Variants in NFX1 observed in about 807,000 individuals in gnomAD.
The protein encoded by NFX1 is transcriptional repressor NF-X1.
NFX1 carries 69 observed loss-of-function variants against 137.2 expected under a neutral mutation model. The observed-to-expected ratio is 0.50, with a 90% CI of 0.41 to 0.61. The LOEUF (loss-of-function observed/expected upper bound fraction) is 0.61. Ranked by LOEUF, NFX1 falls within the 20% of genes least tolerant of loss-of-function variation. The probability of loss-of-function intolerance (pLI) is 0.00; values close to 1 mark genes in which losing one functional copy is unlikely to be tolerated. For synonymous variants in NFX1, 495 were observed against 474.1 expected (o/e 1.04, Z -0.57); for missense variants, 1,167 against 1,391.0 (o/e 0.84, Z 2.56).
chr9:33,368,628 G>A (rs1824237785), intron 23 of NFX1, among the ~76,000 whole-genome samples: 1 of 152,168 alleles, frequency 6.6e-6, no homozygotes, highest in South Asian at 2.1e-4. Context: ...GTGTAACCAA[G>A]GCAGTGTGGC....
intron 9 of NFX1, among the ~76,000 whole-genome samples, chr9:33,322,640 G>C (rs940845471): frequency 2.6e-5 from 4 of 152,172 alleles, no homozygotes; most frequent in Non-Finnish European, 5.9e-5. Flanking sequence ...TCGTAGGGCA[G>C]AGGTTCCACT....
intron 4 of NFX1, among the ~76,000 whole-genome samples, chr9:33,304,808 GAAGT>G (rs996655788): frequency 1.3e-5 from 2 of 152,204 alleles, no homozygotes; most frequent in African/African-American, 4.8e-5. Flanking sequence ...CATGAAACTG[GAAGT>G]AAGAGATCAG....
intron 12 of NFX1, among the ~76,000 whole-genome samples, chr9:33,340,296 A>G (rs1235925695): frequency 6.6e-6 from 1 of 152,218 alleles, no homozygotes; most frequent in Non-Finnish European, 1.5e-5. Context: ...CACCACATGG[A>G]AGCTGCCAAG....
chr9:33,339,175 T>C (rs1823125459), intron 12 of NFX1, among the ~76,000 whole-genome samples: 1 of 152,162 alleles, frequency 6.6e-6, no homozygotes, highest in South Asian at 2.1e-4. Context: ...TGTGTATGTA[T>C]GTATTAGTCC....
At position 33,294,106 on chromosome 9, in the gene NFX1, A is replaced by G. The variant is rs1029278323; in HGVS notation, c.26-314A>G. 2.0e-5 allele frequency among the ~76,000 whole-genome samples: 3 copies of G among 152,238 alleles called. No individual in the cohort carries two copies. The East Asian group carries it at 5.8e-4, about 29-fold the overall frequency. ...TGATGATTGATACCCCTGAACTGTT[A>G]GCTGGCCTTAAATTTTTGTAATAAA... On this transcript the variant is annotated intron_variant, in intron 1 of 23. Coordinates refer to ENST00000379540, the MANE Select transcript of NFX1 (RefSeq NM_002504.6).
chr9:33,322,202 A>G (rs1302546542), intron 9 of NFX1, among the ~76,000 whole-genome samples: 10 of 126,074 alleles, frequency 7.9e-5, no homozygotes, highest in East Asian at 5.1e-4. Context: ...CTCCATCTCG[A>G]AAAAAAAAAA....
At chr9:33,354,268 A>G in intron 18 of NFX1, 81 bp downstream of exon 18, 4 of 1,138,308 alleles carry the variant, frequency 3.5e-6, no homozygotes, top group East Asian at 2.5e-5. Context: ...ATTTATCTCA[A>G]TCCTTCATAG....
intron 2 of NFX1, 21 bp from the exon 3 acceptor site, chr9:33,301,242 G>T (rs1291595260): frequency 3.1e-6 from 5 of 1,603,966 alleles, no homozygotes; most frequent in Admixed American, 3.4e-5. Context: ...AATCTTTTTT[G>T]TTATTTTGTT....
rs1823763742 is a variant in NFX1, at chr9:33,354,968, A to G, written c.2873+76A>G. 11 of 1,415,962 alleles carry G rather than the reference A, an allele frequency of 7.8e-6. No individual in the cohort carries two copies. In the South Asian group the frequency reaches 1.3e-4, roughly 17 times the overall value. 87.7% of individuals were successfully genotyped at this position (1,415,962 alleles called of 1,614,324 possible). On this transcript the variant is annotated intron_variant, in intron 19 of 23. Coordinates refer to ENST00000379540, the MANE Select transcript of NFX1 (RefSeq NM_002504.6). ...AATTAATGGGAGGGAGCAACCCTTC[A>G]AACGTCATTCACTCAGCACTGCGCT...
At chr9:33,335,227 C>CTTTTTTT (rs57459026) in intron 11 of NFX1, among the ~76,000 whole-genome samples, 115 of 130,428 alleles carry the variant, frequency 8.8e-4, no homozygotes, top group African/African-American at 2.8e-3. Context: ...CTTTCTTTTT[C>CTTTTTTT]TTTTTTTTTT....
intron 12 of NFX1, among the ~76,000 whole-genome samples, chr9:33,342,162 TAAAA>T (rs1244368546): frequency 7.1e-6 from 1 of 140,480 alleles, no homozygotes; most frequent in Non-Finnish European, 1.5e-5. Flanking sequence ...GATGTAAAAA[TAAAA>T]TATATTTTTT....
intron 20 of NFX1, 31 bp from the exon 21 acceptor site, chr9:33,364,677 G>T: frequency 6.2e-7 from 1 of 1,604,484 alleles, no homozygotes; most frequent in South Asian, 1.1e-5. Context: ...GGCAGGGACA[G>T]ACAAAATTAA....
intron 11 of NFX1, 32 bp from the exon 12 acceptor site, chr9:33,338,478 G>T (rs539122106): frequency 3.6e-5 from 51 of 1,402,182 alleles, no homozygotes; most frequent in Middle Eastern, 3.7e-4. Context: ...CCTTTGTCTG[G>T]TTTTTTTTTT....
rs1480975873 is a variant in NFX1, at chr9:33,294,803, T to C, written c.409T>C (p.Ser137Pro). 1 of 1,613,928 alleles carries C rather than the reference T, an allele frequency of 6.2e-7. No homozygotes were observed. ...QTSDTAGLES[S>P]TRSESGTDLR... ...CTCAGATACAGCTGGATTAGAGAGCTCGACCAGATCAGAGAGTGGGACAGA... is the reference window on the plus strand; with the variant it reads ...CTCAGATACAGCTGGATTAGAGAGCCCGACCAGATCAGAGAGTGGGACAGA... Residue 137 changes from serine (S) to proline (P), a missense_variant, in exon 2 of 24, where the codon TCG becomes CCG. Transcript: ENST00000379540.
chr9:33,339,809 G>T (rs1823152513), intron 12 of NFX1, among the ~76,000 whole-genome samples: 3 of 152,210 alleles, frequency 2.0e-5, no homozygotes. Flanking sequence ...CCCCATGCAA[G>T]TCCGAAATTC....
intron 21 of NFX1, among the ~76,000 whole-genome samples, chr9:33,366,272 A>G (rs1197860470): frequency 6.6e-6 from 1 of 152,000 alleles, no homozygotes; most frequent in Non-Finnish European, 1.5e-5. Context: ...AGGAAATAAT[A>G]TTTTCTTGTT....
chr9:33,334,967 A>G (rs1202653864), intron 11 of NFX1, among the ~76,000 whole-genome samples: 2 of 152,228 alleles, frequency 1.3e-5, no homozygotes, highest in Non-Finnish European at 2.9e-5. Flanking sequence ...TCAGTTGTCA[A>G]CATTTTACCT....
chr9:33,329,458 G>C (rs1587847020), intron 10 of NFX1, among the ~76,000 whole-genome samples: 1 of 152,100 alleles, frequency 6.6e-6, no homozygotes, highest in Non-Finnish European at 1.5e-5. Flanking sequence ...GGACTATCCA[G>C]TGACTCAAGA....
intron 15 of NFX1, 51 bp from the exon 16 acceptor site, chr9:33,351,509 A>G: frequency 2.6e-6 from 4 of 1,550,984 alleles, no homozygotes; most frequent in Non-Finnish European, 1.8e-6. Context: ...GTTAAAACTC[A>G]CCCCAAATCC....
Sources: gnomAD v4.1 joint callset for allele counts (sites outside exome capture counted in the v4.1 genomes callset) on GRCh38, gnomAD v4.1.1 for gene constraint, MANE v1.5 for transcripts, NCBI Gene and HGNC (gene_info 2026-07-23, HGNC 2026-07-21) for gene names.